INPP4B: variants seen among roughly 807,000 people sequenced by gnomAD.
INPP4B encodes inositol polyphosphate-4-phosphatase type II B.
A neutral mutation model predicts 122.5 loss-of-function variants in INPP4B; 55 were observed. The observed-to-expected ratio is 0.45, with a 90% confidence interval of 0.36 to 0.56. The LOEUF is 0.56. Ranked by LOEUF, INPP4B falls within the 20% of genes least tolerant of loss-of-function variation. INPP4B has a pLI of 0.00. For synonymous variants in INPP4B, 403 were observed against 388.7 expected, an observed-to-expected ratio of 1.04 and a Z score of -0.43; for missense variants, 1,000 against 1,097.7, an observed-to-expected ratio of 0.91 and a Z score of 1.26.
chr4:142,522,334 C>T (rs1014190221), intron 2 of INPP4B, among the ~76,000 whole-genome samples: 18 of 104,054 alleles, frequency 1.7e-4, no homozygotes, highest in Non-Finnish European at 9.1e-5. Context: ...CCTTCTTTCC[C>T]GCCCCCGCCC....
chr4:142,215,892 C>CAAAAAAAAAAAAAAAAAAAAAA (rs200657873), intron 12 of INPP4B, among the ~76,000 whole-genome samples: 2 of 54,578 alleles, frequency 3.7e-5, no homozygotes, highest in African/African-American at 7.5e-5. Flanking sequence ...GACTCTGTCT[C>CAAAAAAAAAAAAAAAAAAAAAA]AAAAAAAAAA....
At chr4:142,541,284 C>T (rs1425518) in intron 2 of INPP4B, among the ~76,000 whole-genome samples, 38,855 of 152,050 alleles carry the variant, frequency 0.26, 6,046 homozygotes, top group East Asian at 0.79. Context: ...GAGAAATCTT[C>T]ACATAGCTGT....
intron 1 of INPP4B, among the ~76,000 whole-genome samples, chr4:142,842,307 A>C (rs1219988858): frequency 6.6e-6 from 1 of 151,468 alleles, no homozygotes; most frequent in Admixed American, 6.6e-5. Context: ...AAGGACATAT[A>C]CTGTATTGAA....
intron 2 of INPP4B, among the ~76,000 whole-genome samples, chr4:142,651,263 A>G (rs1409934119): frequency 6.6e-6 from 1 of 152,214 alleles, no homozygotes; most frequent in Non-Finnish European, 1.5e-5. Context: ...CCTGCAAGAG[A>G]AAGAAGGAAA....
chr4:142,288,125 A>G (rs114172413), intron 9 of INPP4B, among the ~76,000 whole-genome samples: 2,375 of 152,318 alleles, frequency 0.016, 70 homozygotes, highest in African/African-American at 0.054. Flanking sequence ...GGGCCTCAAT[A>G]TATGAATTTG....
At chr4:142,617,608 G>C (rs1033183969) in intron 2 of INPP4B, among the ~76,000 whole-genome samples, 1 of 152,062 alleles carries the variant, frequency 6.6e-6, no homozygotes, top group Non-Finnish European at 1.5e-5. Context: ...ATTTCATAAA[G>C]GTTAGCCCGT....
intron 2 of INPP4B, among the ~76,000 whole-genome samples, chr4:142,484,040 T>A (rs1357527885): frequency 6.6e-6 from 1 of 151,968 alleles, no homozygotes; most frequent in Non-Finnish European, 1.5e-5. Context: ...TCACTATAAC[T>A]TAAGAAGAAT....
intron 2 of INPP4B, among the ~76,000 whole-genome samples, chr4:142,693,213 T>C (rs751959466): frequency 4.6e-5 from 7 of 151,898 alleles, no homozygotes; most frequent in Non-Finnish European, 7.4e-5. Context: ...AAATTAACCT[T>C]GGTATGTGTC....
intron 21 of INPP4B, among the ~76,000 whole-genome samples, chr4:142,120,666 C>T (rs1364328783): frequency 6.6e-6 from 1 of 152,020 alleles, no homozygotes; most frequent in East Asian, 1.9e-4. Context: ...CAAGTCAGCC[C>T]CCTCTGTTAG....
At chr4:142,336,930 G>A (rs1263572659) in intron 7 of INPP4B, among the ~76,000 whole-genome samples, 1 of 152,158 alleles carries the variant, frequency 6.6e-6, no homozygotes, top group East Asian at 1.9e-4. Flanking sequence ...TACAACCCCA[G>A]TATTCTCCAC....
chr4:142,843,487 C>T (rs774323390), intron 1 of INPP4B, among the ~76,000 whole-genome samples: 2 of 151,850 alleles, frequency 1.3e-5, no homozygotes, highest in Non-Finnish European at 2.9e-5. Context: ...ACAGCTTTCA[C>T]CTGAACATTT....
intron 12 of INPP4B, among the ~76,000 whole-genome samples, chr4:142,219,393 T>C (rs1848510708): frequency 6.6e-6 from 1 of 152,200 alleles, no homozygotes; most frequent in Admixed American, 6.6e-5. Context: ...GTTGATAAAG[T>C]TAAATTGGTA....
intron 18 of INPP4B, among the ~76,000 whole-genome samples, chr4:142,142,904 T>G (rs1808603102): frequency 6.6e-6 from 1 of 152,058 alleles, no homozygotes. Flanking sequence ...ATATAATGAA[T>G]ATTTTGAATT....
At chr4:142,132,251 G>A (rs1055718743) in intron 18 of INPP4B, among the ~76,000 whole-genome samples, 2 of 151,840 alleles carry the variant, frequency 1.3e-5, no homozygotes, top group African/African-American at 4.8e-5. Flanking sequence ...TGTTTGTAGA[G>A]AATAAGATTG....
rs561480168 is a variant in INPP4B at position 142,260,528 on chromosome 4, C to G, written c.652G>C (p.Val218Leu). The G allele has an allele frequency of 7.0e-5, 113 of 1,608,946 alleles. No homozygotes were observed. The South Asian group carries it at 1.2e-3, about 16-fold the overall frequency. The change falls in exon 11 of 26, where the codon GTG becomes CTG. Residue 218 changes from valine (V) to leucine (L), a missense_variant. Val to Leu is a conservative substitution (Grantham distance 32, BLOSUM62 1). Coordinates refer to ENST00000262992, the MANE Select transcript of INPP4B (RefSeq NM_001101669.3). ...AAAGGTAAGTTATCTTTTCCGCTCA[C>G]ACTTTCCGGGGCTGTACATTCACAT... ...LVCECTAPES[V>L]SGKDNLPFLN...
chr4:142,326,415 C>T (rs955389123), intron 7 of INPP4B, among the ~76,000 whole-genome samples: 1 of 152,212 alleles, frequency 6.6e-6, no homozygotes, highest in African/African-American at 2.4e-5. Context: ...TGCTAAACAA[C>T]TGTTCTTTAT....
chr4:142,185,997 C>G (rs1335419637), intron 15 of INPP4B, among the ~76,000 whole-genome samples: 1 of 151,232 alleles, frequency 6.6e-6, no homozygotes, highest in Non-Finnish European at 1.5e-5. Flanking sequence ...AAGGATATAC[C>G]TTGCAAGCGC....
chr4:142,159,925 T>C (rs1005381256), intron 17 of INPP4B, among the ~76,000 whole-genome samples: 1 of 152,048 alleles, frequency 6.6e-6, no homozygotes, highest in African/African-American at 2.4e-5. Flanking sequence ...CTATGTCTAT[T>C]GTCGTTTAAA....
At chr4:142,065,404 G>A (rs1200538669) in intron 25 of INPP4B, among the ~76,000 whole-genome samples, 5 of 152,050 alleles carry the variant, frequency 3.3e-5, no homozygotes, top group Middle Eastern at 6.8e-3. Flanking sequence ...ATCACACATC[G>A]CCCCACCCCA....
Sources: allele counts gnomAD v4.1 joint callset (sites outside exome capture counted in the v4.1 genomes callset), GRCh38; gene constraint gnomAD v4.1.1; transcripts MANE v1.5; gene names NCBI Gene and HGNC (gene_info 2026-07-23, HGNC 2026-07-21).